Variants in GCDH observed in about 807,000 individuals in gnomAD.
GCDH encodes glutaryl-CoA dehydrogenase, also known as glutaryl-CoA dehydrogenase, mitochondrial.
In GCDH, 31 loss-of-function variants were observed where a neutral mutation model predicts 52.8. The ratio of observed to expected loss-of-function variants is 0.59; its 90% CI spans 0.44 to 0.79. GCDH has a LOEUF of 0.79. Among genes scored for constraint, GCDH ranks in the 30% least tolerant of loss-of-function variants. The probability of loss-of-function intolerance (pLI) is 0.00; values close to 1 mark genes in which losing one functional copy is unlikely to be tolerated. For synonymous variants in GCDH, 242 were observed against 250.0 expected (o/e 0.97, Z 0.30); for missense variants, 509 against 595.0 (o/e 0.86, Z 1.50).
chr19:12,895,784 T>A (rs887329286), intron 6 of GCDH, among the ~76,000 whole-genome samples: 1 of 149,374 alleles, frequency 6.7e-6, no homozygotes, highest in Non-Finnish European at 1.5e-5. Flanking sequence ...GCTATTTTTT[T>A]TTTTTTTTTT....
Position 12,894,658 on chromosome 19 carries a change from G to A in GCDH, c.505+1005G>A, listed in dbSNP as rs1970632998. On this transcript the variant is annotated intron_variant, in intron 6 of 11. Coordinates refer to ENST00000222214, the MANE Select transcript of GCDH (RefSeq NM_000159.4). ...AGAAACCTAGGACCAAAGCACCCAA[G>A]ATTCAGCGCCTTGTCACTCCACATG... 6 of 784,796 alleles carry A rather than the reference G, an allele frequency of 7.6e-6. No individual in the cohort carries two copies. In the East Asian group the frequency reaches 1.3e-4, roughly 17 times the overall value. The allele number at this position is 784,796 out of a possible 1,614,324, so 48.6% of individuals were successfully genotyped here.
In GCDH at chr19:12,899,901, G is replaced by T. The variant is rs1324968000; in HGVS notation, c.*360G>T. ...AGTGCGCCCTCCCTCCCTCCCATCT[G>T]GGGGTAGTGCCTTATGCTGGGTGTT... On this transcript the variant is annotated 3_prime_UTR_variant, in exon 12 of 12. Coordinates refer to ENST00000222214, the MANE Select transcript of GCDH (RefSeq NM_000159.4). The T allele has an allele frequency of 2.5e-6, 4 of 1,601,074 alleles. No individual in the cohort carries two copies. Among genetic ancestry groups the T allele is most frequent in the Non-Finnish European group, 2.6e-6 (3 of 1,171,406 alleles).
intron 6 of GCDH, among the ~76,000 whole-genome samples, chr19:12,895,725 CCT>C (rs1970657292): frequency 6.6e-6 from 1 of 151,006 alleles, no homozygotes; most frequent in African/African-American, 2.4e-5. Flanking sequence ...GATTCTCCTG[CCT>C]CAGTCTCCTG....
chr19:12,895,453 G>A (rs1413032589), intron 6 of GCDH, among the ~76,000 whole-genome samples: 2 of 152,034 alleles, frequency 1.3e-5, no homozygotes, highest in East Asian at 3.8e-4. Context: ...TAGAGATGGT[G>A]TTTCACTATG....
intron 6 of GCDH, among the ~76,000 whole-genome samples, chr19:12,895,739 G>A (rs1276237368): frequency 1.3e-5 from 2 of 149,318 alleles, no homozygotes; most frequent in Non-Finnish European, 1.5e-5. Flanking sequence ...AGTCTCCTGA[G>A]TAGCTGGGAT....
intron 5 of GCDH, 86 bp downstream of exon 5, chr19:12,892,264 C>T (rs1970577104): frequency 1.8e-6 from 2 of 1,125,954 alleles, no homozygotes; most frequent in African/African-American, 3.1e-5. Context: ...TTTCTTCCTT[C>T]CTTCTCTTTC....
chr19:12,897,547 C>A, intron 10 of GCDH, 119 bp downstream of exon 10: 1 of 1,437,048 alleles, frequency 7.0e-7, no homozygotes, highest in Non-Finnish European at 9.8e-7. Context: ...CTTCTGCTGT[C>A]CCTCTTGTCC....
chr19:12,897,257 GGA>G lies in GCDH; in HGVS notation c.957-42_957-41del, dbSNP rs756144778. On this transcript the variant is annotated intron_variant, in intron 9 of 11. Transcript: ENST00000222214. Reference sequence around the variant, plus strand: ...GGGGCCCCAGGACAGGGACGGGGTGGGAGAGTGGGCCTCCCCTCGCTCTTACC... The same window carrying G: ...GGGGCCCCAGGACAGGGACGGGGTGGGAGTGGGCCTCCCCTCGCTCTTACC... 108 of 1,611,956 alleles carry G rather than the reference GGA, an allele frequency of 6.7e-5. No individual in the cohort carries two copies. In the African/African-American group the frequency reaches 1.0e-3, roughly 16 times the overall value.
chr19:12,898,089 G>A, intron 11 of GCDH: 2 of 566,906 alleles, frequency 3.5e-6, no homozygotes, highest in South Asian at 3.9e-5. Context: ...GCCTTGCGAG[G>A]GGCTCCCAGC....
intron 6 of GCDH, chr19:12,894,702 G>A (rs1032926856): frequency 1.5e-5 from 12 of 791,914 alleles, no homozygotes; most frequent in African/African-American, 8.7e-5. Flanking sequence ...CACAAACAGC[G>A]GCGTATTGCT....
chr19:12,897,865 TAGG>T lies in GCDH; in HGVS notation c.1243+5_1243+7del, dbSNP rs748379023. The T allele has an allele frequency of 2.5e-6, 4 of 1,613,138 alleles. No homozygotes were observed. The highest frequency in any genetic ancestry group is 3.4e-6 in the Non-Finnish European group (4 of 1,179,546). On this transcript the variant is annotated splice_donor_5th_base_variant and intron_variant, in intron 11 of 11. Coordinates refer to ENST00000222214, the MANE Select transcript of GCDH (RefSeq NM_000159.4). ...TGGAGGCCGTGAACACCTACGAAGG[TAGG>T]AGCTGGACCTCAGAGGGCTCACTGA...
Position 12,899,464 on chromosome 19 carries a change from C to A in GCDH, c.1244-4C>A, listed in dbSNP as rs774546166. The stretch of plus-strand genomic sequence containing the variant: ...CAAACCGACTCTGTATTAATCTTGT[C>A]CAGGTACACATGACATTCACGCCCT... On this transcript the variant is annotated splice_polypyrimidine_tract_variant and splice_region_variant and intron_variant, in intron 11 of 11. Transcript: ENST00000222214. 1.9e-6 allele frequency: 3 copies of A among 1,614,004 alleles called. No individual in the cohort carries two copies. Among genetic ancestry groups the A allele is most frequent in the Non-Finnish European group, 8.5e-7 (1 of 1,180,010 alleles).
chr19:12,894,655 C>T lies in GCDH; in HGVS notation c.505+1002C>T, dbSNP rs1370181765. 3.8e-6 allele frequency: 3 copies of T among 780,454 alleles called. No individual in the cohort carries two copies. The East Asian group carries it at 7.7e-5, about 20-fold the overall frequency. 48.3% of individuals were successfully genotyped at this position (780,454 alleles called of 1,614,324 possible). ...GTAAGAAACCTAGGACCAAAGCACC[C>T]AAGATTCAGCGCCTTGTCACTCCAC... On this transcript the variant is annotated intron_variant, in intron 6 of 11. Transcript: ENST00000222214.
Position 12,891,872 on chromosome 19 carries a change from G to A in GCDH, c.169G>A (p.Glu57Lys), listed in dbSNP as rs776643576. 2 of 1,614,112 alleles carry A rather than the reference G, an allele frequency of 1.2e-6. No homozygotes were observed. Among genetic ancestry groups the A allele is most frequent in the South Asian group, 2.2e-5 (2 of 91,086 alleles). ...EFDWQDPLVL[E>K]EQLTTDEILI... ...TGACTGGCAGGACCCGCTGGTGCTG[G>A]AGGAGCAGCTGACCACAGATGAGAT... The change falls in exon 4 of 12, where the codon GAG (glutamate) becomes AAG (lysine). Residue 57 changes from glutamate (E) to lysine (K), a missense_variant. By Grantham distance (56) the Glu-to-Lys change is moderately conservative. Transcript: ENST00000222214.
At chr19:12,898,464 A>G (rs1327314804) in intron 11 of GCDH, 2 of 157,572 alleles carry the variant, frequency 1.3e-5, no homozygotes, top group Non-Finnish European at 2.8e-5. Flanking sequence ...AGAACAGCAA[A>G]TGCAGGAGGG....
intron 11 of GCDH, 63 bp downstream of exon 11, chr19:12,897,926 G>C: frequency 7.0e-7 from 1 of 1,421,504 alleles, no homozygotes; most frequent in Non-Finnish European, 9.9e-7. Flanking sequence ...GTACAGGGAG[G>C]TGGGACGGGG....
chr19:12,891,964 T>A lies in GCDH; in HGVS notation c.261T>A (p.Asn87Lys). 6.2e-7 allele frequency: 1 copy of A among 1,614,154 alleles called. No individual in the cohort carries two copies. The highest frequency in any genetic ancestry group is 8.5e-7 in the Non-Finnish European group (1 of 1,180,002). The change falls in exon 4 of 12, where the codon AAT becomes AAA. Residue 87 changes from asparagine to lysine, a missense_variant. Transcript: ENST00000222214. ...ERLMPRILLA[N>K]RNEVFHREII... ...TCATGCCTCGCATCCTGTTGGCCAA[T>A]CGCAACGAAGGTGGGCGGGCTGGTG...
chr19:12,891,187 CG>C lies in GCDH; in HGVS notation c.-47del, dbSNP rs1568423900. Reference sequence around the variant, plus strand: ...TTGCACTGTAGCCTCGGCAGTGAACCGGGAGGTACTACCAGGTAAGGAAGGT... The same window carrying C: ...TTGCACTGTAGCCTCGGCAGTGAACCGGAGGTACTACCAGGTAAGGAAGGT... On this transcript the variant is annotated 5_prime_UTR_variant, in exon 1 of 12. Transcript: ENST00000222214. The C allele has an allele frequency of 7.8e-6, 6 of 764,864 alleles. No homozygotes were observed. Among genetic ancestry groups the C allele is most frequent in the East Asian group, 2.7e-5 (1 of 37,286 alleles). The allele number at this position is 764,864 out of a possible 1,614,324, so 47.4% of individuals were successfully genotyped here. A position where few individuals can be genotyped will look rare whatever the true frequency, so the allele number is the denominator to read the frequency against.
chr19:12,892,211 AC>A, intron 5 of GCDH, 33 bp downstream of exon 5: 1 of 1,558,596 alleles, frequency 6.4e-7, no homozygotes, highest in Non-Finnish European at 8.9e-7. Flanking sequence ...ACACTGCAGA[AC>A]CCTCTGTATT....
Sources: gnomAD v4.1 joint callset for allele counts (sites outside exome capture counted in the v4.1 genomes callset) on GRCh38, gnomAD v4.1.1 for gene constraint, MANE v1.5 for transcripts, NCBI Gene and HGNC (gene_info 2026-07-23, HGNC 2026-07-21) for gene names.